The following NUGGC variants were observed in gnomAD, a reference collection of about 807,000 sequenced individuals.
NUGGC encodes the protein nuclear GTPase, germinal center associated.
A neutral mutation model predicts 92.6 loss-of-function variants in NUGGC; 58 were observed. That is an observed-to-expected ratio of 0.63 (90% CI 0.51 to 0.78). The LOEUF is 0.78. NUGGC is among the 30% of genes least tolerant of loss of function. The pLI is 0.00. For missense variants in NUGGC, 925 were observed against 964.6 expected (o/e 0.96, Z 0.54); for synonymous variants, 376 against 366.4 (o/e 1.03, Z -0.30).
At chr8:28,060,954 G>C (rs1211287712) in intron 7 of NUGGC, among the ~76,000 whole-genome samples, 1 of 152,178 alleles carries the variant, frequency 6.6e-6, no homozygotes, top group South Asian at 2.1e-4. Context: ...GATGGGAAGC[G>C]ACTGTCTGCA....
intron 1 of NUGGC, among the ~76,000 whole-genome samples, chr8:28,074,925 C>T (rs1248455733): frequency 2.6e-5 from 4 of 151,922 alleles, no homozygotes; most frequent in African/African-American, 9.7e-5. Context: ...GATGACAAAG[C>T]GAGACTCTGT....
chr8:28,077,514 C>T (rs562660824), intron 1 of NUGGC, among the ~76,000 whole-genome samples: 2 of 151,888 alleles, frequency 1.3e-5, no homozygotes, highest in Non-Finnish European at 2.9e-5. Context: ...TTGCAGTGAG[C>T]TATGATTGCA....
chr8:28,072,204 T>C (rs1810607998), intron 2 of NUGGC, among the ~76,000 whole-genome samples: 1 of 152,188 alleles, frequency 6.6e-6, no homozygotes, highest in Non-Finnish European at 1.5e-5. Context: ...CCCTTCCCTC[T>C]CAGACATTCT....
At chr8:28,028,535 T>C (rs1469316941) in intron 17 of NUGGC, among the ~76,000 whole-genome samples, 2 of 152,106 alleles carry the variant, frequency 1.3e-5, no homozygotes, top group African/African-American at 4.8e-5. Flanking sequence ...TCAGCCAGCC[T>C]GGGTTGAGGC....
At chr8:28,051,909 C>T (rs571821981) in intron 10 of NUGGC, among the ~76,000 whole-genome samples, 36 of 150,304 alleles carry the variant, frequency 2.4e-4, no homozygotes, top group South Asian at 4.2e-4. Context: ...GCAACAGGAG[C>T]GAAACAAAAC....
intron 4 of NUGGC, 121 bp from the exon 5 acceptor site, chr8:28,068,559 G>A: frequency 1.5e-6 from 1 of 666,124 alleles, no homozygotes; most frequent in South Asian, 1.8e-5. Flanking sequence ...CTGAGTCTCT[G>A]TTCTCTCCTC....
intron 10 of NUGGC, among the ~76,000 whole-genome samples, chr8:28,055,121 C>CCTGGTCAACATGGTAAA (rs1810100057): frequency 6.6e-6 from 1 of 151,682 alleles, no homozygotes; most frequent in African/African-American, 2.4e-5. Context: ...GGCATGGTGG[C>CCTGGTCAACATGGTAAA]ATGCACCTGT....
intron 1 of NUGGC, among the ~76,000 whole-genome samples, chr8:28,077,646 G>A (rs1810756335): frequency 6.6e-6 from 1 of 152,158 alleles, no homozygotes; most frequent in Admixed American, 6.6e-5. Context: ...GCAGCTTAAG[G>A]AGTAACTCGT....
intron 15 of NUGGC, 118 bp from the exon 16 acceptor site, chr8:28,030,536 TTGTC>T: frequency 3.0e-6 from 2 of 664,402 alleles, no homozygotes; most frequent in Non-Finnish European, 5.5e-6. Flanking sequence ...GCCCAGTTGT[TTGTC>T]TGTCATCTCC....
chr8:28,047,753 G>C (rs1809877497), intron 10 of NUGGC, 141 bp from the exon 11 acceptor site: 12 of 554,624 alleles, frequency 2.2e-5, no homozygotes, highest in Non-Finnish European at 3.5e-5. Flanking sequence ...AACAGACAAT[G>C]TTCTCAATGT....
At chr8:28,061,034 T>C (rs1810293164) in intron 7 of NUGGC, among the ~76,000 whole-genome samples, 1 of 152,198 alleles carries the variant, frequency 6.6e-6, no homozygotes, top group South Asian at 2.1e-4. Flanking sequence ...CACAGAAGTT[T>C]GTGGCATTAG....
intron 10 of NUGGC, among the ~76,000 whole-genome samples, chr8:28,055,246 A>G (rs897230953): frequency 6.6e-6 from 1 of 151,988 alleles, no homozygotes; most frequent in Non-Finnish European, 1.5e-5. Context: ...AAGTGAGACT[A>G]AGTCTCAAAA....
chr8:28,075,795 G>C (rs1810707523), intron 1 of NUGGC, among the ~76,000 whole-genome samples: 1 of 152,116 alleles, frequency 6.6e-6, no homozygotes, highest in African/African-American at 2.4e-5. Flanking sequence ...GGTGAATGGG[G>C]TGAGAACCCC....
At chr8:28,082,586 G>A (rs1810877901) in intron 1 of NUGGC, among the ~76,000 whole-genome samples, 1 of 152,146 alleles carries the variant, frequency 6.6e-6, no homozygotes, top group East Asian at 1.9e-4. Flanking sequence ...CTAGCCCACT[G>A]GCCTTTTTAC....
rs17058503 is a variant in NUGGC at position 28,041,177 on chromosome 8, C to T, written c.1485G>A (p.Ala495=). 8.9e-3 allele frequency: 14,402 copies of T among 1,610,860 alleles called. 1,078 individuals carry two copies. The African/African-American group carries it at 0.17, about 19-fold the overall frequency. ...TCTCCAGCAGCTCAACCTTCTCTTCCGCAAATCTCCGCAGGACACTCATGT... is the reference window on the plus strand; with the variant it reads ...TCTCCAGCAGCTCAACCTTCTCTTCTGCAAATCTCCGCAGGACACTCATGT... The part of the protein sequence containing the change: ...HLHMSVLRRF[A]EEKVELLEKA... The change falls in exon 13 of 19, where the codon GCG becomes GCA. Residue 495 remains alanine, a synonymous_variant. Coordinates refer to ENST00000413272, the MANE Select transcript of NUGGC (RefSeq NM_001010906.2).
rs900517931 is a variant in NUGGC at position 28,033,610 on chromosome 8, T to C, written c.1699A>G (p.Ile567Val). Residue 567 changes from isoleucine to valine, a missense_variant, in exon 14 of 19, where the codon ATT (isoleucine) becomes GTT (valine). Physicochemically the swap from Ile to Val is conservative, Grantham distance 29 (BLOSUM62 3). Coordinates refer to ENST00000413272, the MANE Select transcript of NUGGC (RefSeq NM_001010906.2). ...GIYASRTLAR[I>V]DLNEALTQPV... ...TGAGTGAGGGCTTCATTTAGATCAA[T>C]TCTCGCCAGAGTCCTGGAGGCATAG... is the stretch of plus-strand genomic sequence containing the variant. The C allele has an allele frequency of 6.2e-7, 1 of 1,613,906 alleles. No individual in the cohort carries two copies. Among genetic ancestry groups the C allele is most frequent in the Non-Finnish European group, 8.5e-7 (1 of 1,179,894 alleles).
At position 28,029,354 on chromosome 8, in the gene NUGGC, G is replaced by T. The variant is rs1448384337; in HGVS notation, c.2066C>A (p.Ala689Asp). The change falls in exon 17 of 19, where the codon GCC (alanine) becomes GAC (aspartate). Residue 689 changes from alanine (A) to aspartate (D), a missense_variant. Physicochemically the swap from Ala to Asp is moderately radical, Grantham distance 126. Transcript: ENST00000413272. ...CTGCCGGTCCACTCCTCTTCTGATGGCATCTTTCATCCGCTCACACGCTTT... is the reference window on the plus strand; with the variant it reads ...CTGCCGGTCCACTCCTCTTCTGATGTCATCTTTCATCCGCTCACACGCTTT... Reference protein sequence around the residue: ...GKKACERMKDAIRRGVDRQVA... With the variant: ...GKKACERMKDDIRRGVDRQVA... 2 of 1,612,228 alleles carry T rather than the reference G, an allele frequency of 1.2e-6. No individual in the cohort carries two copies. The highest frequency in any genetic ancestry group is 3.3e-5 in the Admixed American group (2 of 59,860).
chr8:28,035,332 C>A (rs961564727), intron 13 of NUGGC, among the ~76,000 whole-genome samples: 12 of 152,332 alleles, frequency 7.9e-5, no homozygotes, highest in Non-Finnish European at 1.8e-4. Context: ...CAGTAAACGC[C>A]TGTCATCTCT....
intron 2 of NUGGC, among the ~76,000 whole-genome samples, chr8:28,070,775 C>T (rs765366590): frequency 1.2e-4 from 18 of 150,790 alleles, no homozygotes; most frequent in Non-Finnish European, 2.7e-4. Flanking sequence ...TTTGTAGAGA[C>T]AGTGTTTCTG....
Sources: gnomAD v4.1 joint callset for allele counts (sites outside exome capture counted in the v4.1 genomes callset) on GRCh38, gnomAD v4.1.1 for gene constraint, MANE v1.5 for transcripts, NCBI Gene and HGNC (gene_info 2026-07-23, HGNC 2026-07-21) for gene names.